STPG2: variants seen among roughly 807,000 people sequenced by gnomAD.
STPG2 encodes the protein sperm-tail PG-rich repeat-containing protein 2.
Under a neutral mutation model 54.2 loss-of-function variants are expected in STPG2, and 56 were observed. The observed-to-expected ratio is 1.03, with a 90% confidence interval of 0.83 to 1.29. The LOEUF (loss-of-function observed/expected upper bound fraction) is 1.29, where lower values mean the gene tolerates loss of function less well. Among genes scored for constraint, STPG2 ranks in the 50% most tolerant of loss-of-function variants. STPG2 has a pLI of 0.00. For missense variants in STPG2, 596 were observed against 544.9 expected (o/e 1.09, Z -0.93); for synonymous variants, 200 against 181.8 (o/e 1.10, Z -0.81).
chr4:97,490,941 T>A (rs1334462935), intron 4 of STPG2, among the ~76,000 whole-genome samples: 2 of 151,622 alleles, frequency 1.3e-5, no homozygotes, highest in East Asian at 3.9e-4. Flanking sequence ...AGGAATTTAG[T>A]TAATATGACC....
intron 8 of STPG2, among the ~76,000 whole-genome samples, chr4:97,883,728 G>A (rs1320944683): frequency 6.6e-6 from 1 of 152,110 alleles, no homozygotes; most frequent in Non-Finnish European, 1.5e-5. Flanking sequence ...AAGAAAAAAA[G>A]TTTTAGACAG....
At chr4:97,699,845 C>A (rs1723707306) in intron 10 of STPG2, among the ~76,000 whole-genome samples, 1 of 152,192 alleles carries the variant, frequency 6.6e-6, no homozygotes. Context: ...CAGTGGAGAC[C>A]ATGGGCATTT....
rs139362852 is a variant in STPG2 at position 98,095,898 on chromosome 4, T to C, written c.612+10055A>G. Among the ~76,000 whole-genome samples, 1,014 of 152,270 alleles carry C rather than the reference T, an allele frequency of 6.7e-3. 13 individuals carry two copies. Among genetic ancestry groups the C allele is most frequent in the African/African-American group, 0.023 (961 of 41,552 alleles). ...TCAGCCTATAGATCATTCTCAAGAA[T>C]AGACTATATGTTAGTCCACAAAAAG... On this transcript the variant is annotated intron_variant, in intron 5 of 10. Coordinates refer to ENST00000295268, the MANE Select transcript of STPG2 (RefSeq NM_174952.3).
intron 5 of STPG2, among the ~76,000 whole-genome samples, chr4:98,020,546 G>A (rs564691315): frequency 9.2e-5 from 14 of 152,176 alleles, no homozygotes; most frequent in East Asian, 3.9e-4. Flanking sequence ...ATGAGTTAGC[G>A]AGGATTCCCT....
chr4:98,098,216 C>T (rs1376085366), intron 5 of STPG2, among the ~76,000 whole-genome samples: 1 of 151,834 alleles, frequency 6.6e-6, no homozygotes, highest in East Asian at 1.9e-4. Context: ...GTTACCTAAC[C>T]TCAATATTAC....
intron 9 of STPG2, among the ~76,000 whole-genome samples, chr4:97,797,290 T>G (rs1049512496): frequency 6.6e-6 from 1 of 152,260 alleles, no homozygotes; most frequent in Non-Finnish European, 1.5e-5. Flanking sequence ...ATGCTTCCAG[T>G]TTTTGCCCAT....
At chr4:97,720,320 A>C (rs1724409652) in intron 9 of STPG2, among the ~76,000 whole-genome samples, 1 of 152,008 alleles carries the variant, frequency 6.6e-6, no homozygotes, top group Non-Finnish European at 1.5e-5. Context: ...TAAGGATCAA[A>C]GTACCTGCTT....
chr4:98,093,697 C>T (rs943907396), intron 5 of STPG2, among the ~76,000 whole-genome samples: 2 of 152,174 alleles, frequency 1.3e-5, no homozygotes, highest in Admixed American at 1.3e-4. Flanking sequence ...TTCCCCATCC[C>T]CCAACTGTAG....
intron 9 of STPG2, among the ~76,000 whole-genome samples, chr4:97,754,050 C>A (rs1440111998): frequency 6.6e-6 from 1 of 152,010 alleles, no homozygotes; most frequent in Non-Finnish European, 1.5e-5. Context: ...CCAATGCAAT[C>A]AAGATTTCCT....
intron 10 of STPG2, among the ~76,000 whole-genome samples, chr4:97,652,205 A>C (rs994692934): frequency 6.6e-6 from 1 of 151,978 alleles, no homozygotes; most frequent in African/African-American, 2.4e-5. Context: ...ATTGTAACGA[A>C]GAAAGCAAAG....
intron 5 of STPG2, among the ~76,000 whole-genome samples, chr4:98,056,116 C>T (rs567177569): frequency 6.6e-6 from 1 of 152,176 alleles, no homozygotes; most frequent in African/African-American, 2.4e-5. Context: ...TTGCCCCCCC[C>T]CAAATAAACA....
chr4:98,132,098 T>G (rs939198731), intron 2 of STPG2, among the ~76,000 whole-genome samples: 1 of 152,028 alleles, frequency 6.6e-6, no homozygotes, highest in South Asian at 2.1e-4. Flanking sequence ...TATTTATATT[T>G]TTTCCTTCCT....
At chr4:97,642,065 G>A (rs1721782445) in intron 10 of STPG2, among the ~76,000 whole-genome samples, 1 of 151,294 alleles carries the variant, frequency 6.6e-6, no homozygotes, top group Non-Finnish European at 1.5e-5. Context: ...TATTGTATTG[G>A]CAATAATGAC....
chr4:98,036,699 AACGGGT>A (rs1736790544), intron 5 of STPG2, among the ~76,000 whole-genome samples: 1 of 151,874 alleles, frequency 6.6e-6, no homozygotes, highest in Non-Finnish European at 1.5e-5. Context: ...AAAAATAACT[AACGGGT>A]ACCAGGCTTA....
At chr4:97,477,108 G>T (rs552668215) in intron 4 of STPG2, among the ~76,000 whole-genome samples, 148 of 152,302 alleles carry the variant, frequency 9.7e-4, no homozygotes, top group Non-Finnish European at 1.7e-3. Flanking sequence ...CTCTGAGTGT[G>T]TGTGTATATG....
In STPG2 at chr4:98,121,727, T is replaced by TTG. The variant is rs1021112378; in HGVS notation, c.387+6699_387+6700dup. ...TGTATAGGAATGCCTGTGATTTTTT[T>TTG]TGTGTGTGTGTGTGTGACAGAGTCT... On this transcript the variant is annotated intron_variant, in intron 3 of 10. Coordinates refer to ENST00000295268, the MANE Select transcript of STPG2 (RefSeq NM_174952.3). Among the ~76,000 whole-genome samples, 8 of 151,164 alleles carry TTG rather than the reference T, an allele frequency of 5.3e-5. No homozygotes were observed. In the East Asian group the frequency reaches 9.8e-4, roughly 19 times the overall value.
intron 4 of STPG2, among the ~76,000 whole-genome samples, chr4:97,538,822 C>T (rs1353176664): frequency 2.6e-5 from 4 of 152,208 alleles, no homozygotes; most frequent in Non-Finnish European, 5.9e-5. Flanking sequence ...AAGGGAAGCA[C>T]ATCAGACTAA....
At chr4:97,773,125 T>C (rs1189959194) in intron 9 of STPG2, among the ~76,000 whole-genome samples, 1 of 152,188 alleles carries the variant, frequency 6.6e-6, no homozygotes, top group Non-Finnish European at 1.5e-5. Context: ...ATTTTATGCT[T>C]TCTTAGTTTC....
chr4:97,713,525 C>T (rs1248582987), intron 9 of STPG2, among the ~76,000 whole-genome samples: 1 of 152,302 alleles, frequency 6.6e-6, no homozygotes. Context: ...ATTAAATAGT[C>T]ATGAAAAGTG....
Sources: allele counts gnomAD v4.1 joint callset (sites outside exome capture counted in the v4.1 genomes callset), GRCh38; gene constraint gnomAD v4.1.1; transcripts MANE v1.5; gene names NCBI Gene and HGNC (gene_info 2026-07-23, HGNC 2026-07-21).